The following ARHGEF28 variants were observed in gnomAD, a reference collection of about 807,000 sequenced individuals.
The protein encoded by ARHGEF28 is Rho guanine nucleotide exchange factor 28.
A neutral mutation model predicts 206.6 loss-of-function variants in ARHGEF28; 152 were observed. The observed-to-expected ratio is 0.74, with a 90% confidence interval of 0.64 to 0.84. The LOEUF (loss-of-function observed/expected upper bound fraction) is 0.84. Among genes scored for constraint, ARHGEF28 ranks in the 40% least tolerant of loss-of-function variants. ARHGEF28 has a pLI of 0.00. For synonymous variants in ARHGEF28, 763 were observed against 776.4 expected, an observed-to-expected ratio of 0.98 and a Z score of 0.29; for missense variants, 2,028 against 2,073.2, an observed-to-expected ratio of 0.98 and a Z score of 0.42.
chr5:73,845,986 C>CAAAAAAAAAAAAAAAAAAA (rs57600570), intron 11 of ARHGEF28, among the ~76,000 whole-genome samples: 8 of 63,764 alleles, frequency 1.3e-4, no homozygotes, highest in Non-Finnish European at 2.0e-4. Flanking sequence ...AAAACTGTCT[C>CAAAAAAAAAAAAAAAAAAA]AAAAAAAAAA....
At chr5:73,827,410 G>A (rs1247744141) in intron 9 of ARHGEF28, among the ~76,000 whole-genome samples, 1 of 152,180 alleles carries the variant, frequency 6.6e-6, no homozygotes, top group Non-Finnish European at 1.5e-5. Flanking sequence ...TATTTAGGAA[G>A]CATAACTAAT....
intron 33 of ARHGEF28, 198 bp from the exon 34 acceptor site, chr5:73,909,214 C>A: frequency 1.6e-6 from 1 of 617,472 alleles, no homozygotes; most frequent in Non-Finnish European, 2.6e-6. Flanking sequence ...ACAGGTCCTA[C>A]CCCTAGGACA....
chr5:73,885,378 C>T (rs983110197), intron 24 of ARHGEF28, among the ~76,000 whole-genome samples: 2 of 152,146 alleles, frequency 1.3e-5, no homozygotes, highest in East Asian at 3.8e-4. Flanking sequence ...GACTATGTGT[C>T]AGCTGAAGCA....
chr5:73,816,704 G>A (rs1756234544), intron 9 of ARHGEF28, among the ~76,000 whole-genome samples: 1 of 152,178 alleles, frequency 6.6e-6, no homozygotes, highest in African/African-American at 2.4e-5. Flanking sequence ...TGCCTTCAGC[G>A]GGAAGGTAAG....
intron 11 of ARHGEF28, among the ~76,000 whole-genome samples, chr5:73,845,234 G>T (rs934926693): frequency 2.0e-5 from 3 of 152,096 alleles, no homozygotes; most frequent in Non-Finnish European, 2.9e-5. Context: ...AGCCAGGATG[G>T]TCTCGATCTC....
In ARHGEF28 at chr5:73,798,927, A is replaced by G. The variant is rs1235257424; in HGVS notation, c.1024+3536A>G. On this transcript the variant is annotated intron_variant, in intron 9 of 35. Coordinates refer to ENST00000513042, the MANE Select transcript of ARHGEF28 (RefSeq NM_001177693.2). ...ACATGGTGAAACCCTGTTTCTACTA[A>G]AAATACCAAATTAGCCAGGCGTGGT... 3.3e-5 allele frequency among the ~76,000 whole-genome samples: 5 copies of G among 152,146 alleles called. No homozygotes were observed. The East Asian group carries it at 9.7e-4, about 29-fold the overall frequency.
intron 1 of ARHGEF28, among the ~76,000 whole-genome samples, chr5:73,668,723 TG>T (rs36006395): frequency 0.73 from 111,552 of 151,974 alleles, 41,001 homozygotes; most frequent in East Asian, 0.82. Context: ...GTGTTGTCTC[TG>T]AGTAGTTAGA....
At chr5:73,635,314 A>G (rs1267278336) in intron 1 of ARHGEF28, among the ~76,000 whole-genome samples, 1 of 152,180 alleles carries the variant, frequency 6.6e-6, no homozygotes, top group Non-Finnish European at 1.5e-5. Context: ...ATTGCACTCC[A>G]GCCTGGGCAA....
At chr5:73,888,100 A>G (rs1761411113) in intron 26 of ARHGEF28, among the ~76,000 whole-genome samples, 1 of 152,022 alleles carries the variant, frequency 6.6e-6, no homozygotes, top group African/African-American at 2.4e-5. Context: ...AATGCTGGGC[A>G]CAGCCAATCT....
At chr5:73,804,113 A>G (rs772071877) in intron 9 of ARHGEF28, among the ~76,000 whole-genome samples, 9 of 146,660 alleles carry the variant, frequency 6.1e-5, no homozygotes, top group Non-Finnish European at 1.1e-4. Context: ...AAAAAGAAAG[A>G]GTCAAGTTGA....
chr5:73,851,918 G>C (rs1177673206), intron 13 of ARHGEF28, among the ~76,000 whole-genome samples: 2 of 152,082 alleles, frequency 1.3e-5, no homozygotes, highest in South Asian at 2.1e-4. Flanking sequence ...CCTCTTCACT[G>C]TTCTGGATTG....
Position 73,885,883 on chromosome 5 carries a change from C to T in ARHGEF28, c.3089C>T (p.Ala1030Val), listed in dbSNP as rs369597044. 60 of 1,613,204 alleles carry T rather than the reference C, an allele frequency of 3.7e-5. No homozygotes were observed. Among genetic ancestry groups the T allele is most frequent in the African/African-American group, 2.5e-4 (19 of 74,906 alleles). ...RTEEHKDLRK[A>V]LCLIKDMIAT... ...GAGGAACATAAAGACTTACGCAAAGCGCTTTGCTTAATTAAAGACATGATT... is the reference window on the plus strand; with the variant it reads ...GAGGAACATAAAGACTTACGCAAAGTGCTTTGCTTAATTAAAGACATGATT... Residue 1030 changes from alanine to valine, a missense_variant, in exon 25 of 36, where the codon GCG becomes GTG. Transcript: ENST00000513042.
intron 2 of ARHGEF28, among the ~76,000 whole-genome samples, chr5:73,723,229 G>A (rs565315544): frequency 5.3e-5 from 8 of 151,884 alleles, no homozygotes; most frequent in Admixed American, 1.3e-4. Flanking sequence ...TTGCTCTGTC[G>A]CCAGGCTGGA....
At chr5:73,792,020 C>A (rs1754511746) in intron 7 of ARHGEF28, among the ~76,000 whole-genome samples, 1 of 152,102 alleles carries the variant, frequency 6.6e-6, no homozygotes, top group African/African-American at 2.4e-5. Flanking sequence ...TCTCCTAGAG[C>A]AATTTAATTA....
chr5:73,893,248 GA>G lies in ARHGEF28; in HGVS notation c.3621del (p.Ala1208LeufsTer39). Reference protein sequence around the residue: ...RTSESDEDKRKAEARVAKIQQ... With the variant: ...RTSESDEDKRXAEARVAKIQQ... ...CAAGTGAATCTGATGAAGACAAGAG[GA>G]AAGCTGAAGCCAGAGTGGCCAAAAT... On this transcript the variant is annotated frameshift_variant, in exon 28 of 36. Transcript: ENST00000513042. LOFTEE classifies it high-confidence loss of function. 6.4e-7 allele frequency: 1 copy of G among 1,559,890 alleles called. No homozygotes were observed. Among genetic ancestry groups the G allele is most frequent in the African/African-American group, 1.4e-5 (1 of 73,646 alleles).
intron 28 of ARHGEF28, among the ~76,000 whole-genome samples, chr5:73,893,748 G>A (rs753634310): frequency 6.6e-6 from 1 of 152,170 alleles, no homozygotes; most frequent in Non-Finnish European, 1.5e-5. Flanking sequence ...ACGGATGCCT[G>A]GGCCTCACCC....
Position 73,909,872 on chromosome 5 carries a change from C to T in ARHGEF28, c.4622C>T (p.Ala1541Val), listed in dbSNP as rs78992879. 8 of 1,520,890 alleles carry T rather than the reference C, an allele frequency of 5.3e-6. No individual in the cohort carries two copies. The Admixed American group carries it at 1.5e-4, about 29-fold the overall frequency. 94.2% of individuals were successfully genotyped at this position (1,520,890 alleles called of 1,614,324 possible). A position where few individuals can be genotyped will look rare whatever the true frequency, so the allele number is the denominator to read the frequency against. Residue 1541 changes from alanine (A) to valine (V), a missense_variant, in exon 34 of 36, where the codon GCG (alanine) becomes GTG (valine). This residue lies in a region of ARHGEF28 where 803 missense variants were observed against 768.0 expected (regional missense o/e 1.05). Coordinates refer to ENST00000513042, the MANE Select transcript of ARHGEF28 (RefSeq NM_001177693.2). ...WKHGRQRSLP[A>V]VLLPGGPEVM... ...CACGGCCGGCAGAGGAGCCTGCCCG[C>T]GGTGCTCCTTCCGGGTGGCCCCGAG...
At chr5:73,832,294 G>A (rs1266964550) in intron 9 of ARHGEF28, 44 bp from the exon 10 acceptor site, 2 of 1,601,718 alleles carry the variant, frequency 1.2e-6, no homozygotes, top group Non-Finnish European at 1.7e-6. Context: ...TGTAAAATAA[G>A]CCCCTTCTCC....
rs114249941 is a variant in ARHGEF28, at chr5:73,665,694, T to G, written c.-11-19147T>G. ...CGTCCTTTTATAACAAACCCTCTCATGATAATAAACCCACACCCATGATAA... is the reference window on the plus strand; with the variant it reads ...CGTCCTTTTATAACAAACCCTCTCAGGATAATAAACCCACACCCATGATAA... On this transcript the variant is annotated intron_variant, in intron 1 of 35. Coordinates refer to ENST00000513042, the MANE Select transcript of ARHGEF28 (RefSeq NM_001177693.2). 9.1e-3 allele frequency among the ~76,000 whole-genome samples: 1,389 copies of G among 152,170 alleles called. 7 individuals carry two copies. Among genetic ancestry groups the G allele is most frequent in the Non-Finnish European group, 0.015 (1,004 of 68,008 alleles).
Sources: allele counts gnomAD v4.1 joint callset (sites outside exome capture counted in the v4.1 genomes callset), GRCh38; gene constraint gnomAD v4.1.1; regional missense constraint gnomAD v4.1.1; transcripts MANE v1.5; gene names NCBI Gene and HGNC (gene_info 2026-07-23, HGNC 2026-07-21).